The following SHISAL1 variants were observed in gnomAD, a reference collection of about 807,000 sequenced individuals.
SHISAL1 encodes the protein shisa like 1.
Under a neutral mutation model 22.6 loss-of-function variants are expected in SHISAL1, and 9 were observed. The observed-to-expected ratio is 0.40, with a 90% confidence interval of 0.24 to 0.70. SHISAL1 has a LOEUF of 0.70. Ranked by LOEUF, SHISAL1 falls within the 30% of genes least tolerant of loss-of-function variation. SHISAL1 has a pLI of 0.39. For missense variants in SHISAL1, 246 were observed against 270.6 expected, an observed-to-expected ratio of 0.91 and a Z score of 0.64; for synonymous variants, 119 against 115.4, an observed-to-expected ratio of 1.03 and a Z score of -0.20.
At chr22:44,331,170 C>T in the SHISAL1 span, among the ~76,000 whole-genome samples, 4 of 152,094 alleles carry the variant, frequency 2.6e-5, no homozygotes, top group African/African-American at 7.2e-5. This position sits in a 1 kb window ranked among gnomAD's most constrained non-coding sequence, Gnocchi z 5.2. Context: ...CGACCCCGAC[C>T]TTGGTGAGCG....
chr22:44,245,633 C>G lies in SHISAL1; in HGVS notation c.*4052G>C, dbSNP rs563688566. The G allele has an allele frequency of 6.5e-6, 1 of 152,780 alleles. No homozygotes were observed. The highest frequency in any genetic ancestry group is 2.4e-5 in the African/African-American group (1 of 41,584). 9.5% of individuals were successfully genotyped at this position (152,780 alleles called of 1,614,324 possible). ...GGAGGGGCCTGCCTGGGGATGGCAG[C>G]TGGAATCCTGAGCCAACCTGGACAG... On this transcript the variant is annotated 3_prime_UTR_variant, in exon 5 of 5. Transcript: ENST00000381176.
In SHISAL1 at chr22:44,249,286, C is replaced by T. The variant is rs746473745; in HGVS notation, c.*399G>A. ...CACAAATAGCCCCAAGGGGCCACTACTGGAGGGAGCAGGGGCAAGGGAAGC... is the reference window on the plus strand; with the variant it reads ...CACAAATAGCCCCAAGGGGCCACTATTGGAGGGAGCAGGGGCAAGGGAAGC... On this transcript the variant is annotated 3_prime_UTR_variant, in exon 5 of 5. Transcript: ENST00000381176. The T allele has an allele frequency of 1.0e-5, 2 of 191,096 alleles. No homozygotes were observed. The highest frequency in any genetic ancestry group is 4.7e-5 in the African/African-American group (2 of 42,530). The allele number at this position is 191,096 out of a possible 1,614,324, so 11.8% of individuals were successfully genotyped here.
At chr22:44,311,351 G>A (rs914944040) in intron 1 of SHISAL1, among the ~76,000 whole-genome samples, 1 of 152,188 alleles carries the variant, frequency 6.6e-6, no homozygotes, top group Admixed American at 6.5e-5. Flanking sequence ...CCTCCAACGT[G>A]GAAACCTCTC....
chr22:44,300,938 C>G lies in SHISAL1; in HGVS notation c.8G>C (p.Ser3Thr). Residue 3 changes from serine to threonine, a missense_variant, in exon 2 of 5, where the codon AGT (serine) becomes ACT (threonine). Coordinates refer to ENST00000381176, the MANE Select transcript of SHISAL1 (RefSeq NM_001099294.2). The stretch of plus-strand genomic sequence containing the variant: ...CACGTTCAAGGACTGCTGGCCACAA[C>G]TGGTCATCGTCTGGCTTGCATTGAT... Reference protein sequence around the residue: MTSCGQQSLNVLA... With the variant: MTTCGQQSLNVLA... 2 of 1,614,192 alleles carry G rather than the reference C, an allele frequency of 1.2e-6. No homozygotes were observed. The highest frequency in any genetic ancestry group is 1.7e-6 in the Non-Finnish European group (2 of 1,180,010).
At chr22:44,259,496 A>G (rs1601777601) in intron 4 of SHISAL1, among the ~76,000 whole-genome samples, 1 of 151,326 alleles carries the variant, frequency 6.6e-6, no homozygotes, top group Non-Finnish European at 1.5e-5. Context: ...AGAAACAGCC[A>G]AAGCCCAGGG....
intron 1 of SHISAL1, among the ~76,000 whole-genome samples, chr22:44,301,275 G>A (rs1435055975): frequency 6.6e-6 from 1 of 152,222 alleles, no homozygotes; most frequent in Admixed American, 6.5e-5. Context: ...TGGTGGCCAG[G>A]CACCAGAGCT....
intron 4 of SHISAL1, among the ~76,000 whole-genome samples, chr22:44,268,313 CTT>C (rs2055179388): frequency 6.7e-6 from 1 of 150,318 alleles, no homozygotes; most frequent in Non-Finnish European, 1.5e-5. Flanking sequence ...AATAAAGACT[CTT>C]TCTCCTTTGC....
At chr22:44,267,338 C>T (rs2055171188) in intron 4 of SHISAL1, among the ~76,000 whole-genome samples, 1 of 152,140 alleles carries the variant, frequency 6.6e-6, no homozygotes, top group Admixed American at 6.5e-5. Flanking sequence ...CCCCAAGGTC[C>T]CCATCTTGGA....
intron 4 of SHISAL1, among the ~76,000 whole-genome samples, chr22:44,279,013 G>C (rs564579072): frequency 1.1e-4 from 17 of 152,176 alleles, no homozygotes; most frequent in Admixed American, 1.3e-4. Context: ...CAGGCACTGA[G>C]ACTAGGGAGG....
At chr22:44,311,495 A>G (rs1166895641) in intron 1 of SHISAL1, among the ~76,000 whole-genome samples, 1 of 152,196 alleles carries the variant, frequency 6.6e-6, no homozygotes, top group Non-Finnish European at 1.5e-5. Flanking sequence ...CCAAGTTACA[A>G]ACTCAGCTGT....
At chr22:44,283,836 C>T (rs1954312229) in intron 4 of SHISAL1, among the ~76,000 whole-genome samples, 1 of 152,150 alleles carries the variant, frequency 6.6e-6, no homozygotes, top group Non-Finnish European at 1.5e-5. Flanking sequence ...GGTCAGTAGG[C>T]TCTGGGTCTT....
chr22:44,303,693 C>A (rs1454450435), intron 1 of SHISAL1, among the ~76,000 whole-genome samples: 1 of 152,210 alleles, frequency 6.6e-6, no homozygotes, highest in Non-Finnish European at 1.5e-5. Flanking sequence ...ACAGGTACAG[C>A]CTCTCATGTG....
intron 2 of SHISAL1, among the ~76,000 whole-genome samples, chr22:44,297,127 C>T (rs572921005): frequency 5.3e-5 from 8 of 152,318 alleles, no homozygotes; most frequent in East Asian, 1.9e-4. Flanking sequence ...TCTCCTGCTT[C>T]GGTGAACATG....
chr22:44,260,775 A>G (rs2055116734), intron 4 of SHISAL1, among the ~76,000 whole-genome samples: 1 of 152,144 alleles, frequency 6.6e-6, no homozygotes, highest in African/African-American at 2.4e-5. Context: ...GCAGGCTGAC[A>G]TGGAAAAGAG....
intron 2 of SHISAL1, among the ~76,000 whole-genome samples, chr22:44,297,458 A>G (rs2055395169): frequency 6.6e-6 from 1 of 152,196 alleles, no homozygotes; most frequent in Admixed American, 6.5e-5. Context: ...CATAGGTGCA[A>G]GGACCTCTTG....
chr22:44,317,761 ACAGACTCCC>A (rs1241376578), upstream of SHISAL1, among the ~76,000 whole-genome samples: 2 of 152,206 alleles, frequency 1.3e-5, no homozygotes, highest in African/African-American at 2.4e-5. Flanking sequence ...CGCTTCAGAC[ACAGACTCCC>A]CAAGTCCTCT....
intron 4 of SHISAL1, among the ~76,000 whole-genome samples, chr22:44,250,199 G>C (rs183701063): frequency 8.0e-4 from 122 of 152,274 alleles, no homozygotes; most frequent in African/African-American, 2.8e-3. Context: ...ATCCTCAAAA[G>C]TATTCTGATT....
chr22:44,305,775 C>T (rs1011545581), intron 1 of SHISAL1, among the ~76,000 whole-genome samples: 6 of 152,306 alleles, frequency 3.9e-5, no homozygotes, highest in South Asian at 2.1e-4. Flanking sequence ...CCCAACCCCC[C>T]GAGTCTGGCC....
upstream of SHISAL1, among the ~76,000 whole-genome samples, chr22:44,315,716 C>G (rs528897511): frequency 1.3e-5 from 2 of 152,302 alleles, no homozygotes; most frequent in South Asian, 2.1e-4. Context: ...TCACCTGCCT[C>G]GAGGAGGCTT....
Sources: allele counts gnomAD v4.1 joint callset (sites outside exome capture counted in the v4.1 genomes callset), GRCh38; gene constraint gnomAD v4.1.1; non-coding constraint Gnocchi (gnomAD v3.1); transcripts MANE v1.5; gene names NCBI Gene and HGNC (gene_info 2026-07-23, HGNC 2026-07-21).